The following ADAMTSL1 variants were observed in gnomAD, a reference collection of about 807,000 sequenced individuals.
ADAMTSL1 encodes the protein ADAMTS-like protein 1.
ADAMTSL1 carries 126 observed loss-of-function variants against 201.8 expected under a neutral mutation model. That is an observed-to-expected ratio of 0.62 (90% CI 0.54 to 0.72). The LOEUF (loss-of-function observed/expected upper bound fraction) is 0.72. Ranked by LOEUF, ADAMTSL1 falls within the 30% of genes least tolerant of loss-of-function variation. The pLI is 0.00. For missense variants in ADAMTSL1, 2,679 were observed against 2,277.8 expected, an observed-to-expected ratio of 1.18 and a Z score of -3.59; for synonymous variants, 1,121 against 903.4, an observed-to-expected ratio of 1.24 and a Z score of -4.32.
At chr9:18,233,041 A>G (rs1830702587) in intron 2 of ADAMTSL1, among the ~76,000 whole-genome samples, 1 of 152,142 alleles carries the variant, frequency 6.6e-6, no homozygotes, top group Non-Finnish European at 1.5e-5. Context: ...CATCTCATCT[A>G]GGAAACTCTG....
chr9:18,717,348 A>G (rs1833014537), intron 14 of ADAMTSL1, among the ~76,000 whole-genome samples: 1 of 151,884 alleles, frequency 6.6e-6, no homozygotes, highest in Non-Finnish European at 1.5e-5. Context: ...ATTAAAGGCA[A>G]TCTGTTGAAG....
intron 1 of ADAMTSL1, among the ~76,000 whole-genome samples, chr9:17,911,355 T>C (rs1246294821): frequency 1.5e-5 from 1 of 68,902 alleles, no homozygotes; most frequent in Non-Finnish European, 4.4e-5. Context: ...TGGTAACCAG[T>C]AGATATTATC....
chr9:18,184,950 T>C (rs1005255350), intron 2 of ADAMTSL1, among the ~76,000 whole-genome samples: 2 of 152,190 alleles, frequency 1.3e-5, no homozygotes, highest in African/African-American at 2.4e-5. Flanking sequence ...TTGCATTTCA[T>C]ACTAAGCAGG....
intron 20 of ADAMTSL1, among the ~76,000 whole-genome samples, chr9:18,811,169 C>G (rs1045313977): frequency 2.6e-5 from 4 of 152,134 alleles, no homozygotes; most frequent in African/African-American, 9.7e-5. Flanking sequence ...CCACCACTAC[C>G]TGCACCAGCA....
intron 1 of ADAMTSL1, among the ~76,000 whole-genome samples, chr9:18,128,377 C>A (rs982194908): frequency 6.6e-6 from 1 of 152,048 alleles, no homozygotes; most frequent in East Asian, 1.9e-4. Flanking sequence ...TTTTTTTTCC[C>A]TGGAGACAGG....
At chr9:17,998,301 T>C (rs964637703) in intron 1 of ADAMTSL1, among the ~76,000 whole-genome samples, 11 of 152,034 alleles carry the variant, frequency 7.2e-5, no homozygotes, top group African/African-American at 2.4e-4. Flanking sequence ...CATAGTAAAG[T>C]TAAGAAAAGA....
chr9:18,404,519 C>T (rs1035082295), intron 2 of ADAMTSL1, among the ~76,000 whole-genome samples: 1 of 152,204 alleles, frequency 6.6e-6, no homozygotes, highest in Non-Finnish European at 1.5e-5. Flanking sequence ...AGGTGGTGCC[C>T]TGTAATCTTG....
chr9:18,381,382 T>C (rs1837548217), intron 2 of ADAMTSL1, among the ~76,000 whole-genome samples: 1 of 152,234 alleles, frequency 6.6e-6, no homozygotes. Flanking sequence ...ATTTTATCTT[T>C]AGTTTTTTGA....
chr9:18,198,175 T>C (rs959339352), intron 2 of ADAMTSL1, among the ~76,000 whole-genome samples: 2 of 151,990 alleles, frequency 1.3e-5, no homozygotes, highest in Non-Finnish European at 2.9e-5. Context: ...ACCTAGGCAT[T>C]ACCATTCAGG....
intron 1 of ADAMTSL1, among the ~76,000 whole-genome samples, chr9:18,103,520 A>C (rs1384479113): frequency 1.3e-5 from 2 of 152,226 alleles, no homozygotes; most frequent in Non-Finnish European, 2.9e-5. Context: ...ATTTCTGAAA[A>C]ATAGATACAA....
chr9:18,762,649 C>A (rs1482201660), intron 16 of ADAMTSL1, among the ~76,000 whole-genome samples: 2 of 152,066 alleles, frequency 1.3e-5, no homozygotes, highest in Non-Finnish European at 2.9e-5. Context: ...CAGCCCCTCA[C>A]TACCCTTCCT....
intron 2 of ADAMTSL1, among the ~76,000 whole-genome samples, chr9:18,289,169 CT>C (rs112167993): frequency 2.9e-4 from 31 of 106,890 alleles, no homozygotes; most frequent in African/African-American, 1.4e-3. Context: ...ATCTATCTAT[CT>C]ATCTACCTAC....
intron 14 of ADAMTSL1, among the ~76,000 whole-genome samples, chr9:18,707,489 C>G (rs1049048699): frequency 1.3e-5 from 2 of 152,192 alleles, no homozygotes; most frequent in Non-Finnish European, 2.9e-5. Flanking sequence ...CTGTTTACAT[C>G]TCGAGGAAGG....
intron 2 of ADAMTSL1, among the ~76,000 whole-genome samples, chr9:18,216,570 A>G (rs928314139): frequency 4.6e-5 from 7 of 152,050 alleles, no homozygotes; most frequent in Non-Finnish European, 8.8e-5. Flanking sequence ...CCCTAAAGCC[A>G]AGGCAGTGGA....
chr9:18,659,923 A>ATT (rs1564127656), intron 8 of ADAMTSL1, among the ~76,000 whole-genome samples: 10 of 123,158 alleles, frequency 8.1e-5, no homozygotes, highest in Non-Finnish European at 1.4e-4. Flanking sequence ...TTTTTTTAAA[A>ATT]AAAAAAATGA....
intron 2 of ADAMTSL1, among the ~76,000 whole-genome samples, chr9:18,510,699 T>C (rs1186460415): frequency 6.6e-6 from 1 of 152,058 alleles, no homozygotes; most frequent in African/African-American, 2.4e-5. Context: ...GTAACTCTTA[T>C]AATGTAACTT....
At position 18,910,792 on chromosome 9, in the gene ADAMTSL1, A is replaced by AAATG. The variant is rs1830558204; in HGVS notation, c.*2249_*2252dup. On this transcript the variant is annotated 3_prime_UTR_variant, in exon 29 of 29. Coordinates refer to ENST00000380548, the MANE Select transcript of ADAMTSL1 (RefSeq NM_001040272.6). ...TGGGAAGCAGAATGCTCGTTGCATG[A>AAATG]AATGAATGTACATTTAATGTTTGTT... 6.6e-6 allele frequency: 1 copy of AAATG among 152,240 alleles called. No homozygotes were observed. Among genetic ancestry groups the AAATG allele is most frequent in the Admixed American group, 6.5e-5 (1 of 15,292 alleles). The allele number at this position is 152,240 out of a possible 1,614,324, so 9.4% of individuals were successfully genotyped here. A position where few individuals can be genotyped will look rare whatever the true frequency, so the allele number is the denominator to read the frequency against.
chr9:18,063,761 C>T (rs1822567620), intron 1 of ADAMTSL1, among the ~76,000 whole-genome samples: 1 of 152,170 alleles, frequency 6.6e-6, no homozygotes, highest in African/African-American at 2.4e-5. Context: ...ACACTAGAAT[C>T]ATCTTGTGAG....
intron 2 of ADAMTSL1, among the ~76,000 whole-genome samples, chr9:18,166,352 T>C (rs2132104739): frequency 6.6e-6 from 1 of 152,056 alleles, no homozygotes; most frequent in Non-Finnish European, 1.5e-5. Context: ...ATTGCCTTGT[T>C]GTTAACATTT....
Sources: gnomAD v4.1 joint callset for allele counts (sites outside exome capture counted in the v4.1 genomes callset) on GRCh38, gnomAD v4.1.1 for gene constraint, MANE v1.5 for transcripts, NCBI Gene and HGNC (gene_info 2026-07-23, HGNC 2026-07-21) for gene names.